The following STRADA variants were observed in gnomAD, a reference collection of about 807,000 sequenced individuals.
STRADA encodes the protein STE20 related adaptor alpha.
A neutral mutation model predicts 55.0 loss-of-function variants in STRADA; 26 were observed. That is an observed-to-expected ratio of 0.47 (90% confidence interval 0.35 to 0.66). The LOEUF (loss-of-function observed/expected upper bound fraction) is 0.66, where lower values mean the gene tolerates loss of function less well. STRADA is among the 30% of genes least tolerant of loss of function. STRADA has a pLI of 0.01. For missense variants in STRADA, 443 were observed against 549.7 expected, an observed-to-expected ratio of 0.81 and a Z score of 1.94; for synonymous variants, 197 against 210.9, an observed-to-expected ratio of 0.93 and a Z score of 0.57.
intron 8 of STRADA, among the ~76,000 whole-genome samples, chr17:63,708,101 G>C (rs929544522): frequency 2.6e-5 from 4 of 152,084 alleles, no homozygotes; most frequent in African/African-American, 4.8e-5. Flanking sequence ...TGCCAGTCTT[G>C]AACTCCTGGC....
rs191639489 is a variant in STRADA at position 63,703,960 on chromosome 17, A to G, written c.1143+45T>C. On this transcript the variant is annotated intron_variant, in intron 12 of 12. Transcript: ENST00000336174. ...AAAGCTAAAGGGATTGTGAGTTGTTAGAACCAGAACTAGAACCAGAACCAG... is the reference window on the plus strand; with the variant it reads ...AAAGCTAAAGGGATTGTGAGTTGTTGGAACCAGAACTAGAACCAGAACCAG... 28 of 1,600,696 alleles carry G rather than the reference A, an allele frequency of 1.7e-5. No individual in the cohort carries two copies. The Admixed American group carries it at 3.3e-4, about 19-fold the overall frequency.
intron 4 of STRADA, among the ~76,000 whole-genome samples, chr17:63,720,780 A>AG (rs1296179808): frequency 6.7e-6 from 1 of 149,520 alleles, no homozygotes; most frequent in African/African-American, 2.5e-5. Flanking sequence ...TTAAAAAAAA[A>AG]AAAAAAAAAA....
chr17:63,712,201 A>G (rs1041337943), intron 6 of STRADA, among the ~76,000 whole-genome samples: 3 of 152,136 alleles, frequency 2.0e-5, no homozygotes, highest in Non-Finnish European at 4.4e-5. Context: ...AGCACTTACT[A>G]GACTCACAGT....
chr17:63,740,631 A>G (rs947649538), intron 1 of STRADA, among the ~76,000 whole-genome samples: 3 of 152,224 alleles, frequency 2.0e-5, no homozygotes, highest in Non-Finnish European at 4.4e-5. Flanking sequence ...AAGTATTATC[A>G]TCTCTGTTTT....
chr17:63,707,522 T>A, intron 8 of STRADA, 104 bp from the exon 9 acceptor site: 3 of 1,063,702 alleles, frequency 2.8e-6, no homozygotes, highest in Non-Finnish European at 4.2e-6. Context: ...TGTGTGCGTG[T>A]GTTATACACG....
intron 2 of STRADA, chr17:63,727,657 T>G (rs1261934025): frequency 6.6e-6 from 1 of 152,212 alleles, no homozygotes; most frequent in Non-Finnish European, 1.5e-5. Flanking sequence ...GAAAACTTCA[T>G]AAAAATTATA....
intron 4 of STRADA, chr17:63,717,043 T>G (rs907724052): frequency 6.6e-6 from 1 of 152,182 alleles, no homozygotes; most frequent in Non-Finnish European, 1.5e-5. Context: ...ATCTATTAGA[T>G]GAGATAAAAT....
intron 8 of STRADA, among the ~76,000 whole-genome samples, chr17:63,707,977 T>C (rs1307893452): frequency 6.6e-6 from 1 of 151,888 alleles, no homozygotes; most frequent in Non-Finnish European, 1.5e-5. Flanking sequence ...GACCTCGTGA[T>C]CCACCCGTCT....
In STRADA at chr17:63,710,548, A is replaced by G; in HGVS notation, c.524T>C (p.Ile175Thr). The change falls in exon 8 of 13, where the codon ATC becomes ACC. Residue 175 changes from isoleucine to threonine, a missense_variant. By Grantham distance (89) the Ile-to-Thr change is moderately conservative (BLOSUM62 -1). Transcript: ENST00000336174. Reference protein sequence around the residue: ...DGMNELAIAYILQGVLKALDY... With the variant: ...DGMNELAIAYTLQGVLKALDY... ...GAGGGCCTTCAGCACCCCCTGCAGG[A>G]TGTAAGCAATCGCCAGCTCATTCAT... The G allele has an allele frequency of 6.2e-7, 1 of 1,613,986 alleles. No homozygotes were observed. The highest frequency in any genetic ancestry group is 8.5e-7 in the Non-Finnish European group (1 of 1,179,884).
intron 1 of STRADA, among the ~76,000 whole-genome samples, chr17:63,738,413 G>A (rs990962860): frequency 7.2e-5 from 11 of 151,930 alleles, no homozygotes; most frequent in Admixed American, 7.2e-4. Context: ...TGAGGAGGGG[G>A]TGGTGTGAGA....
intron 4 of STRADA, chr17:63,714,591 C>T (rs955303498): frequency 4.8e-6 from 1 of 207,966 alleles, no homozygotes; most frequent in Non-Finnish European, 9.9e-6. Context: ...AGGAGTAGCC[C>T]CCTCTTTAGC....
At chr17:63,730,013 T>G (rs2037922560) in intron 1 of STRADA, among the ~76,000 whole-genome samples, 1 of 151,704 alleles carries the variant, frequency 6.6e-6, no homozygotes, top group African/African-American at 2.4e-5. Context: ...AATTTTTGTA[T>G]TTAGTAGAGA....
In STRADA at chr17:63,706,649, T is replaced by C; in HGVS notation, c.844A>G (p.Met282Val). The C allele has an allele frequency of 6.2e-7, 1 of 1,613,034 alleles. No individual in the cohort carries two copies. Among genetic ancestry groups the C allele is most frequent in the Non-Finnish European group, 8.5e-7 (1 of 1,179,278 alleles). Residue 282 changes from methionine to valine, a missense_variant, in exon 10 of 13, where the codon ATG becomes GTG. Met to Val is a conservative substitution (Grantham distance 21). Coordinates refer to ENST00000336174, the MANE Select transcript of STRADA (RefSeq NM_001003787.4). ...LANGHVPFKD[M>V]PATQMLLEKL... ...GGCAGGCTTACCTGGGTGGCAGGCA[T>C]ATCCTTAAAGGGGACATGGCCGTTG...
At chr17:63,733,354 T>TA (rs2038200885) in intron 1 of STRADA, among the ~76,000 whole-genome samples, 2 of 80,034 alleles carry the variant, frequency 2.5e-5, no homozygotes, top group African/African-American at 1.6e-4. Flanking sequence ...CAGAATACAA[T>TA]CTTTTTTTTT....
chr17:63,722,100 G>A (rs2037357508), intron 4 of STRADA, among the ~76,000 whole-genome samples: 1 of 152,312 alleles, frequency 6.6e-6, no homozygotes. Flanking sequence ...ATGCAGCATG[G>A]CATAGTTTAA....
At chr17:63,741,263 A>G (rs1192315001) in intron 1 of STRADA, 1 of 152,248 alleles carries the variant, frequency 6.6e-6, no homozygotes, top group African/African-American at 2.4e-5. Flanking sequence ...TCTGGAAAAC[A>G]AAAAGACAAT....
intron 10 of STRADA, chr17:63,706,415 G>A (rs1036668313): frequency 6.6e-5 from 33 of 503,270 alleles, no homozygotes; most frequent in South Asian, 3.5e-5. Context: ...CCCTGCTCCC[G>A]GGCTCCCCTC....
At chr17:63,707,605 G>T in intron 8 of STRADA, 187 bp from the exon 9 acceptor site, 1 of 591,438 alleles carries the variant, frequency 1.7e-6, no homozygotes, top group Non-Finnish European at 2.9e-6. Flanking sequence ...CTGTCACCCG[G>T]CTAGAGTGCA....
chr17:63,704,519 C>T lies in STRADA; in HGVS notation c.922G>A (p.Glu308Lys), dbSNP rs372229032. The T allele has an allele frequency of 1.7e-4, 266 of 1,597,924 alleles. 1 individual carries two copies. Among genetic ancestry groups the T allele is most frequent in the Non-Finnish European group, 2.2e-4 (253 of 1,172,034 alleles). The change falls in exon 11 of 13, where the codon GAG (glutamate) becomes AAG (lysine). Residue 308 changes from glutamate to lysine, a missense_variant. Transcript: ENST00000336174. ...CGCGAAGGGCTCATGGTCAGCTCCT[C>T]AGCGGGGATGGTGCTGGTATCCAAC... ...CLLDTSTIPA[E>K]ELTMSPSRSV...
Sources: gnomAD v4.1 joint callset for allele counts (sites outside exome capture counted in the v4.1 genomes callset) on GRCh38, gnomAD v4.1.1 for gene constraint, MANE v1.5 for transcripts, NCBI Gene and HGNC (gene_info 2026-07-23, HGNC 2026-07-21) for gene names.